ADGRL3: variants seen among roughly 807,000 people sequenced by gnomAD.
ADGRL3 encodes calcium-independent alpha-latrotoxin receptor 3.
A neutral mutation model predicts 153.5 loss-of-function variants in ADGRL3; 62 were observed. The observed-to-expected ratio is 0.40, with a 90% CI of 0.33 to 0.50. ADGRL3 has a LOEUF of 0.50. Among genes scored for constraint, ADGRL3 ranks in the 20% least tolerant of loss-of-function variants. ADGRL3 has a pLI of 0.47. For missense variants in ADGRL3, 1,641 were observed against 1,859.4 expected (o/e 0.88, Z 2.16); for synonymous variants, 710 against 672.5 (o/e 1.06, Z -0.86).
chr4:61,620,822 G>A (rs771765620), intron 5 of ADGRL3, among the ~76,000 whole-genome samples: 1 of 151,512 alleles, frequency 6.6e-6, no homozygotes, highest in Non-Finnish European at 1.5e-5. Flanking sequence ...TGTATTTTTA[G>A]TAGAGACGGG....
intron 4 of ADGRL3, among the ~76,000 whole-genome samples, chr4:61,577,762 A>G (rs1015680975): frequency 6.6e-6 from 1 of 151,744 alleles, no homozygotes; most frequent in Non-Finnish European, 1.5e-5. Flanking sequence ...GTAGTGACAT[A>G]TGATCATGCC....
chr4:61,670,988 T>A (rs373478620), intron 5 of ADGRL3, among the ~76,000 whole-genome samples: 3 of 152,298 alleles, frequency 2.0e-5, no homozygotes, highest in East Asian at 3.9e-4. Flanking sequence ...AGGAAGTTCT[T>A]AACCACATTC....
intron 2 of ADGRL3, among the ~76,000 whole-genome samples, chr4:61,481,724 A>T (rs936361464): frequency 6.6e-6 from 1 of 152,076 alleles, no homozygotes; most frequent in Admixed American, 6.5e-5. Context: ...AAGATATACT[A>T]TAGAGGAAAA....
At chr4:61,672,977 A>G (rs1293374819) in intron 5 of ADGRL3, among the ~76,000 whole-genome samples, 1 of 152,000 alleles carries the variant, frequency 6.6e-6, no homozygotes, top group Non-Finnish European at 1.5e-5. Flanking sequence ...ATACATAAAT[A>G]TATAATGGAA....
intron 4 of ADGRL3, among the ~76,000 whole-genome samples, chr4:61,570,664 C>T (rs571534298): frequency 3.9e-5 from 6 of 152,112 alleles, no homozygotes; most frequent in Admixed American, 3.3e-4. Flanking sequence ...CTCTCACAAT[C>T]GGAAATTAAG....
chr4:61,651,217 A>T (rs1235486174), intron 5 of ADGRL3, among the ~76,000 whole-genome samples: 1 of 152,186 alleles, frequency 6.6e-6, no homozygotes, highest in Admixed American at 6.5e-5. Context: ...AAATTACTCT[A>T]TTTTTGGGAT....
At chr4:61,947,188 G>C (rs958174037) in intron 16 of ADGRL3, 66 bp downstream of exon 16, 1 of 1,234,712 alleles carries the variant, frequency 8.1e-7, no homozygotes, top group South Asian at 1.3e-5. Context: ...TGAACATTAA[G>C]TGTATTAATT....
At chr4:61,756,214 T>C (rs2096828309) in intron 8 of ADGRL3, among the ~76,000 whole-genome samples, 2 of 152,192 alleles carry the variant, frequency 1.3e-5, no homozygotes, top group Non-Finnish European at 2.9e-5. Context: ...TTGGGCAGTA[T>C]GGCCATTTTC....
At chr4:61,758,533 T>C (rs77350186) in intron 8 of ADGRL3, among the ~76,000 whole-genome samples, 13,245 of 152,212 alleles carry the variant, frequency 0.087, 1,229 homozygotes, top group African/African-American at 0.23. Flanking sequence ...ATTTGCTTGG[T>C]AGATCTTCCT....
chr4:61,596,324 T>C (rs569455790), intron 5 of ADGRL3, among the ~76,000 whole-genome samples: 1 of 152,318 alleles, frequency 6.6e-6, no homozygotes, highest in East Asian at 1.9e-4. Flanking sequence ...TGAATATAAC[T>C]GAGTACTGTA....
At chr4:61,325,889 G>C (rs911933485) in intron 1 of ADGRL3, among the ~76,000 whole-genome samples, 1 of 152,100 alleles carries the variant, frequency 6.6e-6, no homozygotes, top group Non-Finnish European at 1.5e-5. Flanking sequence ...GAAGAGAATT[G>C]TGTCCCTCTG....
intron 2 of ADGRL3, among the ~76,000 whole-genome samples, chr4:61,406,864 T>C (rs896842880): frequency 1.3e-5 from 2 of 152,034 alleles, no homozygotes; most frequent in African/African-American, 4.8e-5. Context: ...CTAAATGATG[T>C]CATTGGAATT....
At chr4:61,869,909 G>T (rs1189609344) in intron 9 of ADGRL3, among the ~76,000 whole-genome samples, 2 of 85,260 alleles carry the variant, frequency 2.3e-5, no homozygotes, top group African/African-American at 8.4e-5. Flanking sequence ...TTGCACTCCA[G>T]CCTGGGCAAC....
At chr4:61,413,286 G>GT (rs1007488743) in intron 2 of ADGRL3, among the ~76,000 whole-genome samples, 1 of 152,126 alleles carries the variant, frequency 6.6e-6, no homozygotes, top group African/African-American at 2.4e-5. Context: ...CCCGGGGTCG[G>GT]TGTGCCTCCT....
At chr4:61,592,227 CA>C (rs966359916) in intron 5 of ADGRL3, among the ~76,000 whole-genome samples, 1 of 152,018 alleles carries the variant, frequency 6.6e-6, no homozygotes, top group African/African-American at 2.4e-5. Context: ...AGGATTTTTT[CA>C]ATAGTGTGAG....
intron 9 of ADGRL3, among the ~76,000 whole-genome samples, chr4:61,857,504 A>G (rs1291999944): frequency 6.6e-6 from 1 of 152,142 alleles, no homozygotes; most frequent in Non-Finnish European, 1.5e-5. Flanking sequence ...CAGTGTACTT[A>G]AGAGTGGTGT....
chr4:61,929,744 C>T (rs935742783), intron 13 of ADGRL3, among the ~76,000 whole-genome samples: 1 of 152,102 alleles, frequency 6.6e-6, no homozygotes, highest in Non-Finnish European at 1.5e-5. Flanking sequence ...TGACGTATGA[C>T]ACAAAGAAAA....
intron 2 of ADGRL3, among the ~76,000 whole-genome samples, chr4:61,430,668 T>C (rs1020537835): frequency 1.3e-5 from 2 of 152,128 alleles, no homozygotes; most frequent in Admixed American, 1.3e-4. Context: ...TAAATAAAAC[T>C]TGACAAAATA....
At chr4:61,532,555 C>CGCGCGCGTGTGTGTGT (rs760218872) in intron 4 of ADGRL3, among the ~76,000 whole-genome samples, 3 of 131,438 alleles carry the variant, frequency 2.3e-5, no homozygotes, top group Admixed American at 2.3e-4. Flanking sequence ...CGCGCGCGCG[C>CGCGCGCGTGTGTGTGT]GTGTGTGTGT....
Sources: gnomAD v4.1 joint callset for allele counts (sites outside exome capture counted in the v4.1 genomes callset) on GRCh38, gnomAD v4.1.1 for gene constraint, MANE v1.5 for transcripts, NCBI Gene and HGNC (gene_info 2026-07-23, HGNC 2026-07-21) for gene names.